The following CDH13 variants were observed in gnomAD, a reference collection of about 807,000 sequenced individuals.
CDH13 encodes cadherin 13.
Under a neutral mutation model 63.8 loss-of-function variants are expected in CDH13, and 24 were observed. The observed-to-expected ratio is 0.38, with a 90% CI of 0.27 to 0.53. The LOEUF (loss-of-function observed/expected upper bound fraction) is 0.53. CDH13 is among the 20% of genes least tolerant of loss of function. The pLI is 0.85. For synonymous variants in CDH13, 503 were observed against 355.3 expected, an observed-to-expected ratio of 1.42 and a Z score of -4.67; for missense variants, 1,049 against 903.1, an observed-to-expected ratio of 1.16 and a Z score of -2.07.
At chr16:83,650,058 G>A (rs752383730) in intron 8 of CDH13, among the ~76,000 whole-genome samples, 2 of 152,310 alleles carry the variant, frequency 1.3e-5, no homozygotes, top group South Asian at 4.1e-4. Flanking sequence ...ACAGCCCCAA[G>A]GGTGACACAG....
In CDH13 at chr16:82,894,562, A is replaced by T. The variant is rs183738674; in HGVS notation, c.157+36089A>T. 2.1e-3 allele frequency among the ~76,000 whole-genome samples: 313 copies of T among 152,300 alleles called. 1 individual carries two copies. The highest frequency in any genetic ancestry group is 6.9e-3 in the African/African-American group (286 of 41,564). ...GAGGCTGAGGCAAGAGAATCGCTTG[A>T]ACCCAGGAGACAGAGGTTGCAGTGA... On this transcript the variant is annotated intron_variant, in intron 2 of 13. Coordinates refer to ENST00000567109, the MANE Select transcript of CDH13 (RefSeq NM_001257.5).
chr16:82,741,962 G>GA (rs2033951329), intron 1 of CDH13, among the ~76,000 whole-genome samples: 1 of 152,068 alleles, frequency 6.6e-6, no homozygotes, highest in Non-Finnish European at 1.5e-5. Context: ...ATAAAGATGT[G>GA]AAAAAATTAC....
intron 3 of CDH13, among the ~76,000 whole-genome samples, chr16:83,122,489 G>A (rs1452266797): frequency 6.6e-6 from 1 of 152,158 alleles, no homozygotes; most frequent in Non-Finnish European, 1.5e-5. Context: ...CTTGTGACAT[G>A]CTACTTGGAG....
rs1213754439 is a variant in CDH13, at chr16:83,797,117, C to G, written c.*2087C>G. The stretch of plus-strand genomic sequence containing the variant: ...TCTCCCGGGCGCACCTTGCTCCCCT[C>G]TTCCTGCAAGGCAGGGGGAGAACGT... On this transcript the variant is annotated 3_prime_UTR_variant, in exon 14 of 14. Transcript: ENST00000567109. 1 of 152,286 alleles carries G rather than the reference C, an allele frequency of 6.6e-6. No homozygotes were observed. The highest frequency in any genetic ancestry group is 1.5e-5 in the Non-Finnish European group (1 of 68,066). The allele number at this position is 152,286 out of a possible 1,614,324, so 9.4% of individuals were successfully genotyped here.
At chr16:82,687,377 G>T (rs1915184345) in intron 1 of CDH13, among the ~76,000 whole-genome samples, 1 of 152,168 alleles carries the variant, frequency 6.6e-6, no homozygotes, top group African/African-American at 2.4e-5. Context: ...GGGTGTATTA[G>T]TCGGTTCTCA....
chr16:83,567,078 T>A (rs1208322389), intron 7 of CDH13, among the ~76,000 whole-genome samples: 4 of 152,154 alleles, frequency 2.6e-5, no homozygotes, highest in African/African-American at 9.7e-5. Flanking sequence ...ATTTTCCCCA[T>A]TTGCCATCCA....
At chr16:83,105,328 T>C (rs1350893824) in intron 3 of CDH13, among the ~76,000 whole-genome samples, 1 of 152,202 alleles carries the variant, frequency 6.6e-6, no homozygotes. Flanking sequence ...CCTGGAATAA[T>C]CCAGTGACAT....
At chr16:82,800,038 C>A (rs778872023) in intron 1 of CDH13, among the ~76,000 whole-genome samples, 13 of 152,190 alleles carry the variant, frequency 8.5e-5, no homozygotes, top group Non-Finnish European at 1.5e-4. Flanking sequence ...GACATCACAT[C>A]TTTGTTAGCA....
At chr16:82,714,710 T>A (rs1597388199) in intron 1 of CDH13, among the ~76,000 whole-genome samples, 2 of 26,550 alleles carry the variant, frequency 7.5e-5, no homozygotes, top group Admixed American at 7.7e-4. Context: ...CAAGACTCCA[T>A]CTAAAAAAAA....
At chr16:83,754,467 A>C (rs1236196473) in intron 11 of CDH13, among the ~76,000 whole-genome samples, 1 of 152,166 alleles carries the variant, frequency 6.6e-6, no homozygotes, top group African/African-American at 2.4e-5. Flanking sequence ...AAGTTGATGA[A>C]GCAAGGCTCC....
chr16:83,330,202 T>TGTAAACACACACACAC (rs2090451600), intron 5 of CDH13, among the ~76,000 whole-genome samples: 1 of 152,120 alleles, frequency 6.6e-6, no homozygotes, highest in Non-Finnish European at 1.5e-5. Flanking sequence ...CACATACACA[T>TGTAAACACACACACAC]GTAAACACAC....
At chr16:83,230,365 A>G (rs979838537) in intron 5 of CDH13, among the ~76,000 whole-genome samples, 6 of 152,146 alleles carry the variant, frequency 3.9e-5, no homozygotes, top group African/African-American at 9.6e-5. Context: ...TGCATGAAGT[A>G]TCTTTCTCTT....
At chr16:82,847,946 AT>A (rs1382229820) in intron 1 of CDH13, among the ~76,000 whole-genome samples, 1 of 148,210 alleles carries the variant, frequency 6.7e-6, no homozygotes, top group African/African-American at 2.5e-5. Context: ...CAAATTGAAG[AT>A]TTGTGGTGTT....
At chr16:83,502,612 A>C (rs2074307542) in intron 7 of CDH13, among the ~76,000 whole-genome samples, 1 of 152,228 alleles carries the variant, frequency 6.6e-6, no homozygotes, top group African/African-American at 2.4e-5. Context: ...TGACGTGTTA[A>C]ATACAGTAGC....
At chr16:83,265,904 C>T (rs56384127) in intron 5 of CDH13, among the ~76,000 whole-genome samples, 12 of 151,742 alleles carry the variant, frequency 7.9e-5, no homozygotes, top group Non-Finnish European at 1.8e-4. Context: ...GGTTGGGACT[C>T]CACCATCAGT....
chr16:83,770,466 A>G (rs1203783968), intron 11 of CDH13, among the ~76,000 whole-genome samples: 12 of 152,158 alleles, frequency 7.9e-5, no homozygotes, highest in Non-Finnish European at 1.8e-4. Context: ...CCCGATCCAG[A>G]CTCCAAGAGA....
intron 5 of CDH13, among the ~76,000 whole-genome samples, chr16:83,225,751 A>G (rs893130988): frequency 2.6e-5 from 4 of 152,346 alleles, no homozygotes; most frequent in South Asian, 4.1e-4. Context: ...GAGTGTGACC[A>G]GGTGTCAGTA....
chr16:83,331,108 C>G (rs575701523), intron 5 of CDH13, among the ~76,000 whole-genome samples: 1 of 152,300 alleles, frequency 6.6e-6, no homozygotes, highest in African/African-American at 2.4e-5. Flanking sequence ...GTACCTTAAA[C>G]AATCACACAG....
At chr16:82,726,254 A>G (rs1005718284) in intron 1 of CDH13, among the ~76,000 whole-genome samples, 16 of 152,164 alleles carry the variant, frequency 1.1e-4, no homozygotes, top group Non-Finnish European at 2.2e-4. Context: ...CTTTTCCTGT[A>G]AAGTAAATAT....
Sources: gnomAD v4.1 joint callset for allele counts (sites outside exome capture counted in the v4.1 genomes callset) on GRCh38, gnomAD v4.1.1 for gene constraint, MANE v1.5 for transcripts, NCBI Gene and HGNC (gene_info 2026-07-23, HGNC 2026-07-21) for gene names.